PTPRT: variants seen among roughly 807,000 people sequenced by gnomAD.
The protein encoded by PTPRT is receptor-type tyrosine-protein phosphatase T.
PTPRT carries 56 observed loss-of-function variants against 176.8 expected under a neutral mutation model. That is an observed-to-expected ratio of 0.32 (90% CI 0.26 to 0.40). The LOEUF (loss-of-function observed/expected upper bound fraction) is 0.40, where lower values mean the gene tolerates loss of function less well. Among genes scored for constraint, PTPRT ranks in the 10% least tolerant of loss-of-function variants. The pLI is 1.00. For missense variants in PTPRT, 1,540 were observed against 1,908.2 expected, an observed-to-expected ratio of 0.81 and a Z score of 3.60; for synonymous variants, 783 against 739.0, an observed-to-expected ratio of 1.06 and a Z score of -0.96.
chr20:42,498,297 A>G (rs943056902), intron 7 of PTPRT, among the ~76,000 whole-genome samples: 1 of 152,156 alleles, frequency 6.6e-6, no homozygotes, highest in African/African-American at 2.4e-5. Context: ...TAGTTCAGGA[A>G]GGCAGGGGGC....
chr20:42,494,345 T>C (rs905153971), intron 7 of PTPRT, among the ~76,000 whole-genome samples: 1 of 152,062 alleles, frequency 6.6e-6, no homozygotes, highest in African/African-American at 2.4e-5. Context: ...CATGGGGAGG[T>C]TCTAGTTATA....
intron 7 of PTPRT, among the ~76,000 whole-genome samples, chr20:42,560,410 G>A (rs1045139720): frequency 6.6e-6 from 1 of 152,154 alleles, no homozygotes; most frequent in Non-Finnish European, 1.5e-5. Context: ...TGTTTGTGAT[G>A]GAGGGTCATC....
intron 1 of PTPRT, among the ~76,000 whole-genome samples, chr20:43,010,787 G>A (rs1985078024): frequency 6.6e-6 from 1 of 151,318 alleles, no homozygotes; most frequent in Non-Finnish European, 1.5e-5. Flanking sequence ...CTAACCATGA[G>A]TACTAAGCAG....
intron 2 of PTPRT, among the ~76,000 whole-genome samples, chr20:42,823,089 T>C (rs1416688884): frequency 6.6e-6 from 1 of 152,192 alleles, no homozygotes; most frequent in Admixed American, 6.5e-5. Context: ...CATGCACATG[T>C]ATGTTTAGTG....
At chr20:42,164,775 G>A (rs2146517881) in intron 16 of PTPRT, among the ~76,000 whole-genome samples, 1 of 152,290 alleles carries the variant, frequency 6.6e-6, no homozygotes, top group South Asian at 2.1e-4. Flanking sequence ...TAAAACTAAT[G>A]TGCGATTCTG....
chr20:43,083,357 T>TATAC (rs1568774260), intron 1 of PTPRT, among the ~76,000 whole-genome samples: 5 of 126,154 alleles, frequency 4.0e-5, no homozygotes, highest in African/African-American at 6.6e-5. Flanking sequence ...TATATATATA[T>TATAC]ATATATATAT....
chr20:42,672,049 G>A (rs961625687), intron 7 of PTPRT, among the ~76,000 whole-genome samples: 5 of 152,094 alleles, frequency 3.3e-5, no homozygotes, highest in African/African-American at 7.2e-5. Context: ...TGTGTTTTTC[G>A]GCTCAGAAAA....
At position 42,584,052 on chromosome 20, in the gene PTPRT, A is replaced by G. The variant is rs143034281; in HGVS notation, c.1153+93814T>C. 2.8e-3 allele frequency among the ~76,000 whole-genome samples: 423 copies of G among 152,318 alleles called. 5 individuals are homozygous for G. The highest frequency in any genetic ancestry group is 9.5e-3 in the African/African-American group (396 of 41,570). On this transcript the variant is annotated intron_variant, in intron 7 of 30. Coordinates refer to ENST00000373187, the MANE Select transcript of PTPRT (RefSeq NM_007050.6). The stretch of plus-strand genomic sequence containing the variant: ...TCCAGCCATCCCTGCCAAGGTGTCA[A>G]TGTGAGTGAAACCATCTTGAACTCT...
chr20:42,884,376 T>C (rs1346463166), intron 2 of PTPRT, among the ~76,000 whole-genome samples: 4 of 152,128 alleles, frequency 2.6e-5, no homozygotes, highest in African/African-American at 7.2e-5. Context: ...CAGTGCCTCC[T>C]GTTTTGGAGC....
intron 9 of PTPRT, among the ~76,000 whole-genome samples, chr20:42,403,213 C>T (rs1376769059): frequency 2.6e-5 from 4 of 152,064 alleles, no homozygotes; most frequent in Non-Finnish European, 4.4e-5. Flanking sequence ...AAACTTGCAT[C>T]CTTGATTATT....
intron 6 of PTPRT, among the ~76,000 whole-genome samples, chr20:42,750,254 G>A (rs2076751475): frequency 6.6e-6 from 1 of 152,060 alleles, no homozygotes. Flanking sequence ...TAAAAAATAT[G>A]ATTACTACTA....
chr20:42,104,976 G>T (rs1986294815), intron 24 of PTPRT, among the ~76,000 whole-genome samples: 1 of 152,172 alleles, frequency 6.6e-6, no homozygotes, highest in Non-Finnish European at 1.5e-5. Context: ...TAGACATGCT[G>T]TCAGCAGGCG....
In PTPRT at chr20:42,212,860, T is replaced by C. The variant is rs117977106; in HGVS notation, c.2343-13472A>G. 6.0e-3 allele frequency among the ~76,000 whole-genome samples: 911 copies of C among 152,346 alleles called. 2 individuals carry two copies. Among genetic ancestry groups the C allele is most frequent in the Non-Finnish European group, 0.01 (685 of 68,026 alleles). ...TATGAATACTTTGAAGTGGATGCCCTGGATAATGACTTTTCTTTAAAAACC... is the reference window on the plus strand; with the variant it reads ...TATGAATACTTTGAAGTGGATGCCCCGGATAATGACTTTTCTTTAAAAACC... On this transcript the variant is annotated intron_variant, in intron 15 of 30. Coordinates refer to ENST00000373187, the MANE Select transcript of PTPRT (RefSeq NM_007050.6).
the PTPRT span, among the ~76,000 whole-genome samples, chr20:42,046,450 T>C: frequency 2.0e-5 from 3 of 152,274 alleles, no homozygotes; most frequent in East Asian, 3.9e-4. Context: ...TCACCAACCA[T>C]CAGGCAGCCA....
chr20:42,378,070 G>A (rs1019625865), intron 9 of PTPRT, among the ~76,000 whole-genome samples: 1 of 152,300 alleles, frequency 6.6e-6, no homozygotes, highest in Admixed American at 6.5e-5. Context: ...ACATCTCACT[G>A]GTTGAGAATT....
intron 5 of PTPRT, among the ~76,000 whole-genome samples, chr20:42,763,983 C>T (rs79306987): frequency 0.052 from 7,977 of 152,190 alleles, 634 homozygotes; most frequent in African/African-American, 0.18. Flanking sequence ...TGGTGAATAA[C>T]AAAGTTCTTT....
At chr20:43,019,650 G>T (rs1178589629) in intron 1 of PTPRT, among the ~76,000 whole-genome samples, 1 of 150,680 alleles carries the variant, frequency 6.6e-6, no homozygotes, top group Non-Finnish European at 1.5e-5. Context: ...TAATTGGACT[G>T]CCCCAGCTGT....
chr20:42,484,074 T>C (rs543452707), intron 7 of PTPRT, among the ~76,000 whole-genome samples: 3 of 152,356 alleles, frequency 2.0e-5, no homozygotes, highest in African/African-American at 7.2e-5. Flanking sequence ...TTTTCAACCC[T>C]GGCAGTAGCT....
intron 1 of PTPRT, among the ~76,000 whole-genome samples, chr20:43,005,684 C>T (rs940372677): frequency 6.6e-6 from 1 of 152,202 alleles, no homozygotes; most frequent in African/African-American, 2.4e-5. Flanking sequence ...ACCGAATCCC[C>T]AGCAGTCTAG....
Sources: allele counts gnomAD v4.1 joint callset (sites outside exome capture counted in the v4.1 genomes callset), GRCh38; gene constraint gnomAD v4.1.1; transcripts MANE v1.5; gene names NCBI Gene and HGNC (gene_info 2026-07-23, HGNC 2026-07-21).